Variants in TFAP4 observed in about 807,000 individuals in gnomAD.
TFAP4 encodes transcription factor AP-4, also known as activating enhancer-binding protein 4.
Under a neutral mutation model 40.4 loss-of-function variants are expected in TFAP4, and 7 were observed. That is an observed-to-expected ratio of 0.17 (90% CI 0.10 to 0.33). The LOEUF is 0.33. TFAP4 is among the 10% of genes least tolerant of loss of function. The pLI is 1.00. For synonymous variants in TFAP4, 218 were observed against 181.4 expected (o/e 1.20, Z -1.62); for missense variants, 374 against 451.1 (o/e 0.83, Z 1.55).
Position 4,267,164 on chromosome 16 carries a change from G to C in TFAP4, c.90-4463C>G, listed in dbSNP as rs994433086. Reference sequence around the variant, plus strand: ...TTCTCATGCCTCAGCCTCCCGAGTAGCTGGGATTACAGGGACCCACCACCA... The same window carrying C: ...TTCTCATGCCTCAGCCTCCCGAGTACCTGGGATTACAGGGACCCACCACCA... On this transcript the variant is annotated intron_variant, in intron 1 of 6. Coordinates refer to ENST00000204517, the MANE Select transcript of TFAP4 (RefSeq NM_003223.3). 3 of 152,416 alleles carry C rather than the reference G, an allele frequency of 2.0e-5. No homozygotes were observed. In the East Asian group the frequency reaches 5.8e-4, roughly 29 times the overall value. 9.4% of individuals were successfully genotyped at this position (152,416 alleles called of 1,614,324 possible).
intron 5 of TFAP4, 88 bp from the exon 6 acceptor site, chr16:4,260,333 TG>T: frequency 6.6e-7 from 1 of 1,506,378 alleles, no homozygotes; most frequent in Non-Finnish European, 8.8e-7. Context: ...AATGTATAAC[TG>T]CCTCTGCCCC....
chr16:4,259,995 T>A, intron 6 of TFAP4, 95 bp downstream of exon 6: 1 of 1,435,150 alleles, frequency 7.0e-7, no homozygotes, highest in Non-Finnish European at 9.3e-7. Flanking sequence ...AAGCACCATC[T>A]TCCTCCGCTT....
intron 1 of TFAP4, among the ~76,000 whole-genome samples, chr16:4,271,764 T>C (rs2053042431): frequency 6.6e-6 from 1 of 152,116 alleles, no homozygotes; most frequent in Non-Finnish European, 1.5e-5. Context: ...CCTGCGAGGC[T>C]AGGGGCGGCC....
At chr16:4,269,760 A>G (rs2053026708) in intron 1 of TFAP4, among the ~76,000 whole-genome samples, 1 of 151,624 alleles carries the variant, frequency 6.6e-6, no homozygotes, top group Admixed American at 6.6e-5. Context: ...CAGTGAGCCG[A>G]GATTGCGCCA....
chr16:4,265,100 G>A (rs549839860), intron 1 of TFAP4: 14 of 152,152 alleles, frequency 9.2e-5, no homozygotes, highest in African/African-American at 2.7e-4. Context: ...AGTTTTTGGC[G>A]AGAATTTTCT....
At chr16:4,261,664 G>T in intron 4 of TFAP4, 115 bp downstream of exon 4, 1 of 1,234,152 alleles carries the variant, frequency 8.1e-7, no homozygotes, top group Non-Finnish European at 1.1e-6. Context: ...GCCTGGCACC[G>T]CAGTAGGTGC....
At chr16:4,260,284 C>T (rs758604748) in intron 5 of TFAP4, 39 bp from the exon 6 acceptor site, 19 of 1,524,432 alleles carry the variant, frequency 1.2e-5, no homozygotes, top group African/African-American at 1.4e-5. Context: ...CTCAAGGCTT[C>T]TCTTGGCCCA....
chr16:4,259,290 C>T (rs148289477), intron 6 of TFAP4, among the ~76,000 whole-genome samples: 4,227 of 151,756 alleles, frequency 0.028, 148 homozygotes, highest in Admixed American at 0.095. Context: ...TGCACCACCA[C>T]GTCAGGCTAA....
At chr16:4,260,412 C>A in intron 5 of TFAP4, 43 bp downstream of exon 5, 1 of 1,536,516 alleles carries the variant, frequency 6.5e-7, no homozygotes, top group South Asian at 1.2e-5. Flanking sequence ...CACCTGTCCC[C>A]TTCCCGGTCC....
intron 1 of TFAP4, among the ~76,000 whole-genome samples, chr16:4,270,001 A>G (rs1448133194): frequency 6.6e-6 from 1 of 151,992 alleles, no homozygotes; most frequent in Non-Finnish European, 1.5e-5. Flanking sequence ...GCCAACCACT[A>G]TGGTGAAACC....
chr16:4,262,019 G>C (rs942768938), intron 3 of TFAP4, 70 bp from the exon 4 acceptor site: 1 of 1,471,240 alleles, frequency 6.8e-7, no homozygotes, highest in South Asian at 1.3e-5. Flanking sequence ...GGGTTCCATC[G>C]CAGCCCCCCA....
At position 4,272,710 on chromosome 16, in the gene TFAP4, AGGGCACCTTCTGAGT is replaced by A; in HGVS notation, c.22_36del (p.Thr8_Pro12del). 2 of 1,613,504 alleles carry A rather than the reference AGGGCACCTTCTGAGT, an allele frequency of 1.2e-6. No individual in the cohort carries two copies. The highest frequency in any genetic ancestry group is 8.5e-7 in the Non-Finnish European group (1 of 1,179,652). On this transcript the variant is annotated inframe_deletion, in exon 1 of 7. Transcript: ENST00000204517. ...TCTGTTTTCCTGAAATGTTGCAAAG[AGGGCACCTTCTGAGT>A]GGGCACCATGAAATACTCCATAGCG...
chr16:4,258,289 T>C (rs1242695496), intron 6 of TFAP4, 40 bp from the exon 7 acceptor site: 2 of 1,519,992 alleles, frequency 1.3e-6, no homozygotes, highest in Non-Finnish European at 8.9e-7. Context: ...CGGCCGGGGA[T>C]ACATGGCCAG....
intron 1 of TFAP4, among the ~76,000 whole-genome samples, chr16:4,267,607 CCAAAGT>C (rs2141096281): frequency 6.6e-6 from 1 of 152,330 alleles, no homozygotes; most frequent in Non-Finnish European, 1.5e-5. Context: ...CCTGCCCAGG[CCAAAGT>C]CAAGTACCCC....
chr16:4,269,647 T>C (rs978397302), intron 1 of TFAP4, among the ~76,000 whole-genome samples: 2 of 151,202 alleles, frequency 1.3e-5, no homozygotes, highest in African/African-American at 4.9e-5. Context: ...CCGTCTGTAC[T>C]AAAAATACAA....
chr16:4,262,895 G>C lies in TFAP4; in HGVS notation c.90-194C>G, dbSNP rs138751824. ...GGCTGCGGGTAAGATAGTCCGCTCA[G>C]AACCCACCCCGGGCCAGGCACAGTA... On this transcript the variant is annotated intron_variant, in intron 1 of 6. Transcript: ENST00000204517. The C allele has an allele frequency of 1.3e-3, 798 of 621,192 alleles. 5 individuals are homozygous for C. The highest frequency in any genetic ancestry group is 9.8e-3 in the African/African-American group (533 of 54,404). The allele number at this position is 621,192 out of a possible 1,614,324, so 38.5% of individuals were successfully genotyped here. A position where few individuals can be genotyped will look rare whatever the true frequency, so the allele number is the denominator to read the frequency against.
chr16:4,272,748 G>A lies in TFAP4; in HGVS notation c.-2C>T. The A allele has an allele frequency of 6.2e-7, 1 of 1,613,198 alleles. No homozygotes were observed. ...AGTGGGCACCATGAAATACTCCATA[G>A]CGATCGGCCCCCCTCCTCTGCACGA... On this transcript the variant is annotated 5_prime_UTR_variant, in exon 1 of 7. Transcript: ENST00000204517.
At position 4,272,643 on chromosome 16, in the gene TFAP4, A is replaced by G. The variant is rs1256017961; in HGVS notation, c.89+15T>C. ...GCAGTGGTAGGAAGGGGGTGGGGGGAGGAGGAGTACACACCTACAGAGCCC... is the reference window on the plus strand; with the variant it reads ...GCAGTGGTAGGAAGGGGGTGGGGGGGGGAGGAGTACACACCTACAGAGCCC... On this transcript the variant is annotated intron_variant, in intron 1 of 6. Coordinates refer to ENST00000204517, the MANE Select transcript of TFAP4 (RefSeq NM_003223.3). 1.3e-6 allele frequency: 2 copies of G among 1,582,894 alleles called. No homozygotes were observed. The highest frequency in any genetic ancestry group is 1.7e-6 in the Non-Finnish European group (2 of 1,160,088).
intron 3 of TFAP4, 79 bp from the exon 4 acceptor site, chr16:4,262,028 C>G: frequency 7.0e-7 from 1 of 1,421,076 alleles, no homozygotes; most frequent in Non-Finnish European, 9.4e-7. Flanking sequence ...CGCAGCCCCC[C>G]AAAGCTGCCC....
Sources: allele counts gnomAD v4.1 joint callset (sites outside exome capture counted in the v4.1 genomes callset), GRCh38; gene constraint gnomAD v4.1.1; transcripts MANE v1.5; gene names NCBI Gene and HGNC (gene_info 2026-07-23, HGNC 2026-07-21).